Variants in PICK1 observed in about 807,000 individuals in gnomAD.
PICK1 encodes PRKCA-binding protein.
A neutral mutation model predicts 48.9 loss-of-function variants in PICK1; 23 were observed. The ratio of observed to expected loss-of-function variants is 0.47; its 90% CI spans 0.34 to 0.67. The LOEUF is 0.67. PICK1 is among the 30% of genes least tolerant of loss of function. PICK1 has a pLI of 0.01. For missense variants in PICK1, 423 were observed against 557.1 expected, an observed-to-expected ratio of 0.76 and a Z score of 2.42; for synonymous variants, 217 against 228.2, an observed-to-expected ratio of 0.95 and a Z score of 0.44.
chr22:38,062,185 T>C (rs1039811815), intron 3 of PICK1, among the ~76,000 whole-genome samples: 4 of 152,096 alleles, frequency 2.6e-5, no homozygotes, highest in Admixed American at 2.6e-4. Flanking sequence ...GGGGGTAATT[T>C]CCTGTTTTGT....
At chr22:38,068,955 G>A (rs542306476) in intron 5 of PICK1, 78 bp from the exon 6 acceptor site, 1 of 1,206,972 alleles carries the variant, frequency 8.3e-7, no homozygotes. Flanking sequence ...GGTGCTCCCT[G>A]TGCATGGAGG....
rs187753076 is a variant in PICK1 at position 38,075,061 on chromosome 22, G to A, written c.1177G>A (p.Gly393Arg). Residue 393 changes from glycine (G) to arginine (R), a missense_variant, in exon 13 of 13, where the codon GGG (glycine) becomes AGG (arginine). Physicochemically the swap from Gly to Arg is moderately radical, Grantham distance 125. Coordinates refer to ENST00000356976, the MANE Select transcript of PICK1 (RefSeq NM_012407.4). ...EEEEEEDTAA[G>R]EPSRDTRGAA... ...GGAGGAGGAGGAAGACACGGCAGCT[G>A]GGGAGCCGTCCAGGGATACACGAGG... is the stretch of plus-strand genomic sequence containing the variant. 866 of 1,613,048 alleles carry A rather than the reference G, an allele frequency of 5.4e-4. 16 individuals are homozygous for A. The East Asian group carries it at 0.018, about 33-fold the overall frequency.
intron 6 of PICK1, among the ~76,000 whole-genome samples, chr22:38,070,441 C>T (rs2085649910): frequency 6.6e-6 from 1 of 152,184 alleles, no homozygotes; most frequent in South Asian, 2.1e-4. Flanking sequence ...TCCTGAATTT[C>T]CCCCTCCCTC....
At chr22:38,058,566 A>T (rs1483396179) in intron 2 of PICK1, among the ~76,000 whole-genome samples, 1 of 152,136 alleles carries the variant, frequency 6.6e-6, no homozygotes, top group African/African-American at 2.4e-5. Flanking sequence ...AATGAAAGGG[A>T]AGGGGGACCT....
rs1256921063 is a variant in PICK1, at chr22:38,067,724, C to A, written c.303C>A (p.Tyr101Ter). The change falls in exon 5 of 13, where the codon TAC (tyrosine) becomes TAA (stop). Residue 101 changes from tyrosine (Y) to a stop codon, truncating the protein, a stop_gained. Coordinates refer to ENST00000356976, the MANE Select transcript of PICK1 (RefSeq NM_012407.4). LOFTEE classifies it high-confidence loss of function. ...TCCAGGGGGAGGTGACCATCCACTA[C>A]AACAAGCTGCAGGCGGACCCCAAGC... ...QEVKGEVTIH[Y>*]NKLQADPKQG... is the part of the protein sequence containing the mutation. 1 of 1,614,004 alleles carries A rather than the reference C, an allele frequency of 6.2e-7. No homozygotes were observed. Among genetic ancestry groups the A allele is most frequent in the Non-Finnish European group, 8.5e-7 (1 of 1,179,892 alleles).
rs1480249047 is a variant in PICK1, at chr22:38,074,150, G to GT, written c.835-151dup. The GT allele has an allele frequency of 3.4e-6, 3 of 894,846 alleles. No homozygotes were observed. The highest frequency in any genetic ancestry group is 2.5e-5 in the Admixed American group (1 of 40,590). The allele number at this position is 894,846 out of a possible 1,614,324, so 55.4% of individuals were successfully genotyped here. ...TGAATGTGGCAGAGGTTTGGGTTTG[G>GT]TTTTTTCCTCTCTTCAAAGCTATCA... On this transcript the variant is annotated intron_variant, in intron 11 of 12. Coordinates refer to ENST00000356976, the MANE Select transcript of PICK1 (RefSeq NM_012407.4). This position sits in a 1 kb window ranked among gnomAD's most constrained non-coding sequence, Gnocchi z 4.5.
intron 6 of PICK1, among the ~76,000 whole-genome samples, chr22:38,069,528 G>A (rs745950175): frequency 3.3e-5 from 5 of 152,298 alleles, no homozygotes; most frequent in South Asian, 2.1e-4. Flanking sequence ...GGGGGGAGGC[G>A]TGTACATGCA....
chr22:38,057,603 C>T lies in PICK1; in HGVS notation c.-58+16C>T, dbSNP rs1003735897. 3.3e-6 allele frequency: 2 copies of T among 611,592 alleles called. No individual in the cohort carries two copies. Among genetic ancestry groups the T allele is most frequent in the Non-Finnish European group, 5.9e-6 (2 of 340,984 alleles). The allele number at this position is 611,592 out of a possible 1,614,324, so 37.9% of individuals were successfully genotyped here. On this transcript the variant is annotated intron_variant, in intron 1 of 12. Coordinates refer to ENST00000356976, the MANE Select transcript of PICK1 (RefSeq NM_012407.4). Reference sequence around the variant, plus strand: ...TTTGTACCTAGTAAGAATCACCTACCCAGCCCCCCACCCGGAGACTGTCCC... The same window carrying T: ...TTTGTACCTAGTAAGAATCACCTACTCAGCCCCCCACCCGGAGACTGTCCC...
chr22:38,074,752 G>A lies in PICK1; in HGVS notation c.980-112G>A. ...GTCATGAGGGGTCAGGGAAGTGCCCGAGTGGGAAGCCCAGGGGAGGCGAGA... is the reference window on the plus strand; with the variant it reads ...GTCATGAGGGGTCAGGGAAGTGCCCAAGTGGGAAGCCCAGGGGAGGCGAGA... On this transcript the variant is annotated intron_variant, in intron 12 of 12. Transcript: ENST00000356976. This position sits in a 1 kb window ranked among gnomAD's most constrained non-coding sequence, Gnocchi z 4.5. 2.1e-6 allele frequency: 3 copies of A among 1,405,382 alleles called. No individual in the cohort carries two copies. Among genetic ancestry groups the A allele is most frequent in the East Asian group, 4.7e-5 (2 of 42,670 alleles). The allele number at this position is 1,405,382 out of a possible 1,614,324, so 87.1% of individuals were successfully genotyped here.
intron 5 of PICK1, among the ~76,000 whole-genome samples, 187 bp from the exon 6 acceptor site, chr22:38,068,846 C>T (rs2085599727): frequency 1.3e-5 from 2 of 152,210 alleles, no homozygotes; most frequent in Admixed American, 6.5e-5. Context: ...GCTGCCAGCA[C>T]CTCTGTGAAG....
chr22:38,067,253 CAAGGTGGGGCCATGT>C (rs2085550735), intron 4 of PICK1, among the ~76,000 whole-genome samples: 1 of 150,134 alleles, frequency 6.7e-6, no homozygotes, highest in Admixed American at 6.6e-5. Flanking sequence ...GACAGGGTCA[CAAGGTGGGGCCATGT>C]CACAGCGCTC....
In PICK1 at chr22:38,073,856, TC is replaced by T. The variant is rs745869359; in HGVS notation, c.834+39del. On this transcript the variant is annotated intron_variant, in intron 11 of 12. Transcript: ENST00000356976. The surrounding 1 kb of genome is among the most constrained non-coding windows in gnomAD (Gnocchi z 5.7). ...TTGGAGGGGGTGGGGGGCTTGTACTTCCCCCCACCTGGTCTGCCAGGGATAG... is the reference window on the plus strand; with the variant it reads ...TTGGAGGGGGTGGGGGGCTTGTACTTCCCCCACCTGGTCTGCCAGGGATAG... 57 of 1,595,626 alleles carry T rather than the reference TC, an allele frequency of 3.6e-5. No homozygotes were observed. Among genetic ancestry groups the T allele is most frequent in the Non-Finnish European group, 4.5e-5 (52 of 1,164,040 alleles).
intron 6 of PICK1, among the ~76,000 whole-genome samples, chr22:38,069,492 T>G (rs950705224): frequency 2.0e-5 from 3 of 152,172 alleles, no homozygotes; most frequent in Non-Finnish European, 4.4e-5. Context: ...CTGCAGGTCC[T>G]CCCTTCGTGG....
chr22:38,075,276 C>T lies in PICK1; in HGVS notation c.*144C>T, dbSNP rs1321600502. 2.6e-6 allele frequency: 2 copies of T among 776,978 alleles called. No individual in the cohort carries two copies. Among genetic ancestry groups the T allele is most frequent in the East Asian group, 5.4e-5 (2 of 37,070 alleles). The allele number at this position is 776,978 out of a possible 1,614,324, so 48.1% of individuals were successfully genotyped here. On this transcript the variant is annotated 3_prime_UTR_variant, in exon 13 of 13. Transcript: ENST00000356976. ...TCCCTGCTCCTCTGTCCTCGCACAG[C>T]GAACCTGGGCTCCTGCCCAGGACAG...
Position 38,071,726 on chromosome 22 carries a change from C to T in PICK1, c.538C>T (p.Leu180=), listed in dbSNP as rs756320273. 3 of 1,613,494 alleles carry T rather than the reference C, an allele frequency of 1.9e-6. No individual in the cohort carries two copies. The highest frequency in any genetic ancestry group is 1.3e-5 in the African/African-American group (1 of 75,052). Residue 180 remains leucine (L), a synonymous_variant, in exon 8 of 13, where the codon CTG becomes TTG. Transcript: ENST00000356976. ...TKNLLRAFYE[L]SQTHRAFGDV... is the part of the protein sequence containing the mutation. ...GAACCTCCTACGGGCCTTTTATGAGCTGTCGCAGACTCACCGGGGTAATGG... is the reference window on the plus strand; with the variant it reads ...GAACCTCCTACGGGCCTTTTATGAGTTGTCGCAGACTCACCGGGGTAATGG...
In PICK1 at chr22:38,070,897, T is replaced by A; in HGVS notation, c.493+6T>A. On this transcript the variant is annotated splice_donor_region_variant and intron_variant, in intron 7 of 12. Coordinates refer to ENST00000356976, the MANE Select transcript of PICK1 (RefSeq NM_012407.4). ...GACCGCTGAGCTATACAAAGGTGGG[T>A]GGGGGGTGGCCTCGTCCTGGCACTA... The A allele has an allele frequency of 6.2e-7, 1 of 1,612,916 alleles. No individual in the cohort carries two copies. Among genetic ancestry groups the A allele is most frequent in the South Asian group, 1.1e-5 (1 of 91,052 alleles).
chr22:38,071,424 C>A (rs2085688143), intron 7 of PICK1, among the ~76,000 whole-genome samples: 1 of 152,248 alleles, frequency 6.6e-6, no homozygotes, highest in South Asian at 2.1e-4. Context: ...GAATCCCACA[C>A]TGTCCCAGGG....
intron 5 of PICK1, 69 bp from the exon 6 acceptor site, chr22:38,068,964 G>A (rs2085603138): frequency 7.7e-7 from 1 of 1,302,976 alleles, no homozygotes; most frequent in Non-Finnish European, 1.1e-6. Flanking sequence ...TGTGCATGGA[G>A]GTAAGGCTGG....
Position 38,069,129 on chromosome 22 carries a change from C to A in PICK1, c.439+7C>A. On this transcript the variant is annotated splice_region_variant and intron_variant, in intron 6 of 12. Transcript: ENST00000356976. ...CGGGCCATCCTGTGCAATGGTGAGT[C>A]CCTTCCCACCCAGCTGGGGCCCCGG... 2 of 1,597,820 alleles carry A rather than the reference C, an allele frequency of 1.3e-6. No homozygotes were observed. The highest frequency in any genetic ancestry group is 2.3e-5 in the East Asian group (1 of 44,034).
Sources: allele counts gnomAD v4.1 joint callset (sites outside exome capture counted in the v4.1 genomes callset), GRCh38; gene constraint gnomAD v4.1.1; non-coding constraint Gnocchi (gnomAD v3.1); transcripts MANE v1.5; gene names NCBI Gene and HGNC (gene_info 2026-07-23, HGNC 2026-07-21).